SRRM2: variants seen among roughly 807,000 people sequenced by gnomAD.
SRRM2 encodes the protein serine/arginine repetitive matrix protein 2.
Under a neutral mutation model 213.8 loss-of-function variants are expected in SRRM2, and 30 were observed. That is an observed-to-expected ratio of 0.14 (90% CI 0.10 to 0.19). The LOEUF (loss-of-function observed/expected upper bound fraction) is 0.19, where lower values mean the gene tolerates loss of function less well. Ranked by LOEUF, SRRM2 falls within the 10% of genes least tolerant of loss-of-function variation. The pLI, the probability that SRRM2 is intolerant of heterozygous loss-of-function variation, is 1.00. For synonymous variants in SRRM2, 2,025 were observed against 1,377.7 expected (o/e 1.47, Z -10.40); for missense variants, 4,904 against 3,647.0 (o/e 1.34, Z -8.88).
In SRRM2 at chr16:2,768,979, A is replaced by G. The variant is rs748756052; in HGVS notation, c.7734-18A>G. 2 of 1,609,878 alleles carry G rather than the reference A, an allele frequency of 1.2e-6. No individual in the cohort carries two copies. Among genetic ancestry groups the G allele is most frequent in the South Asian group, 1.1e-5 (1 of 90,712 alleles). ...CTGGGGCAGCTTGTCTCCTTGTGAC[A>G]CTCCTCTCCTCCCACAGGGTCCCCA... is the stretch of plus-strand genomic sequence containing the variant. On this transcript the variant is annotated intron_variant, in intron 11 of 14. Coordinates refer to ENST00000301740, the MANE Select transcript of SRRM2 (RefSeq NM_016333.4).
chr16:2,753,696 A>C (rs1313411449), intron 1 of SRRM2: 1 of 152,032 alleles, frequency 6.6e-6, no homozygotes, highest in Non-Finnish European at 1.5e-5. Context: ...CTTGGTTTCC[A>C]CTCGGCTTCA....
Position 2,762,330 on chromosome 16 carries a change from G to A in SRRM2, c.1802G>A (p.Arg601Lys). ...AGATCACGATCCAGAACTCCCACCA[G>A]GCGTAGGTCTCGGTCTAGAACACCA... Reference protein sequence around the residue: ...RRRSRSRTPTRRRSRSRTPAR... With the variant: ...RRRSRSRTPTKRRSRSRTPAR... Residue 601 changes from arginine to lysine, a missense_variant, in exon 11 of 15, where the codon AGG (arginine) becomes AAG (lysine). Physicochemically the swap from Arg to Lys is conservative, Grantham distance 26. Coordinates refer to ENST00000301740, the MANE Select transcript of SRRM2 (RefSeq NM_016333.4). 6.2e-7 allele frequency: 1 copy of A among 1,614,064 alleles called. No homozygotes were observed. The highest frequency in any genetic ancestry group is 8.5e-7 in the Non-Finnish European group (1 of 1,179,916).
rs759642732 is a variant in SRRM2 at position 2,761,906 on chromosome 16, A to G, written c.1378A>G (p.Lys460Glu). ...AGAGATTTCTTCTTCTCCCACATCT[A>G]AGAATCGCTCACATGGCCGAGCAAA... Reference protein sequence around the residue: ...HREISSSPTSKNRSHGRAKRD... With the variant: ...HREISSSPTSENRSHGRAKRD... Residue 460 changes from lysine (K) to glutamate (E), a missense_variant, in exon 11 of 15, where the codon AAG becomes GAG. Coordinates refer to ENST00000301740, the MANE Select transcript of SRRM2 (RefSeq NM_016333.4). 2.5e-6 allele frequency: 4 copies of G among 1,613,562 alleles called. No homozygotes were observed. The East Asian group carries it at 6.7e-5, about 27-fold the overall frequency.
Position 2,763,553 on chromosome 16 carries a change from C to A in SRRM2, c.3025C>A (p.Leu1009Ile). Residue 1009 changes from leucine to isoleucine, a missense_variant, in exon 11 of 15, where the codon CTT becomes ATT. Transcript: ENST00000301740. ...VKAQTPPGPS[L>I]SGSKSPCPQE... ...GGCCCAAACTCCACCGGGGCCAAGT[C>A]TTTCTGGATCAAAGTCACCATGTCC... is the stretch of plus-strand genomic sequence containing the variant. The A allele has an allele frequency of 6.2e-7, 1 of 1,614,174 alleles. No homozygotes were observed. The highest frequency in any genetic ancestry group is 8.5e-7 in the Non-Finnish European group (1 of 1,180,036).
chr16:2,765,516 C>G lies in SRRM2; in HGVS notation c.4988C>G (p.Pro1663Arg). Residue 1663 changes from proline to arginine, a missense_variant, in exon 11 of 15, where the codon CCC becomes CGC. Coordinates refer to ENST00000301740, the MANE Select transcript of SRRM2 (RefSeq NM_016333.4). ...SSTESSPEHPPKSRTARRGSR... is the reference protein window; with the variant it reads ...SSTESSPEHPRKSRTARRGSR... ...ACCGAGTCCTCTCCTGAACATCCGC[C>G]CAAATCCAGAACTGCTCGCAGAGGT... 1 of 1,614,182 alleles carries G rather than the reference C, an allele frequency of 6.2e-7. No homozygotes were observed. Among genetic ancestry groups the G allele is most frequent in the Non-Finnish European group, 8.5e-7 (1 of 1,180,038 alleles).
Position 2,766,525 on chromosome 16 carries a change from T to G in SRRM2, c.5997T>G (p.Ser1999=), listed in dbSNP as rs753491560. ...VTRRRSRSRT[S]PVTRRRSRSR... The stretch of plus-strand genomic sequence containing the variant: ...GAAGGAGATCTCGATCTCGCACATC[T>G]CCAGTAACTCGAAGAAGGTCCCGCT... Residue 1999 remains serine (S), a synonymous_variant, in exon 11 of 15, where the codon TCT becomes TCG. Coordinates refer to ENST00000301740, the MANE Select transcript of SRRM2 (RefSeq NM_016333.4). The surrounding 1 kb of genome is among the most constrained non-coding windows in gnomAD (Gnocchi z 7.0). The G allele has an allele frequency of 1.2e-6, 2 of 1,613,180 alleles. No individual in the cohort carries two copies. Among genetic ancestry groups the G allele is most frequent in the South Asian group, 2.2e-5 (2 of 91,042 alleles).
chr16:2,771,204 T>C lies in SRRM2; in HGVS notation c.*337T>C. Reference sequence around the variant, plus strand: ...ACTTGTATCCAGAAGTTCCCAGGGGTGATTGTGATGGTGGTTGGGACTGGA... The same window carrying C: ...ACTTGTATCCAGAAGTTCCCAGGGGCGATTGTGATGGTGGTTGGGACTGGA... On this transcript the variant is annotated 3_prime_UTR_variant, in exon 15 of 15. Transcript: ENST00000301740. The C allele has an allele frequency of 1.6e-6, 1 of 642,730 alleles. No homozygotes were observed. The highest frequency in any genetic ancestry group is 2.7e-6 in the Non-Finnish European group (1 of 366,126). The allele number at this position is 642,730 out of a possible 1,614,324, so 39.8% of individuals were successfully genotyped here. A position where few individuals can be genotyped will look rare whatever the true frequency, so the allele number is the denominator to read the frequency against.
At chr16:2,769,960 C>T (rs1567249683) in intron 12 of SRRM2, 3 of 449,058 alleles carry the variant, frequency 6.7e-6, no homozygotes, top group African/African-American at 2.0e-5. Context: ...ACTCCTCGTT[C>T]TGCAAGACTC....
In SRRM2 at chr16:2,765,896, A is replaced by G; in HGVS notation, c.5368A>G (p.Arg1790Gly). Reference sequence around the variant, plus strand: ...AACAAGAACAACCCGACGTCGAGATAGGTCTGGATCTTCTCAGTCAACCTC... The same window carrying G: ...AACAAGAACAACCCGACGTCGAGATGGGTCTGGATCTTCTCAGTCAACCTC... ...EKTRTTRRRD[R>G]SGSSQSTSRR... The change falls in exon 11 of 15, where the codon AGG (arginine) becomes GGG (glycine). Residue 1790 changes from arginine to glycine, a missense_variant. Transcript: ENST00000301740. 2 of 1,614,156 alleles carry G rather than the reference A, an allele frequency of 1.2e-6. No individual in the cohort carries two copies. Among genetic ancestry groups the G allele is most frequent in the Non-Finnish European group, 1.7e-6 (2 of 1,180,032 alleles).
At chr16:2,760,537 A>G (rs371066765) in intron 10 of SRRM2, 38 bp downstream of exon 10, 123 of 1,606,650 alleles carry the variant, frequency 7.7e-5, no homozygotes, top group African/African-American at 6.5e-4. Context: ...TGGATTGCAA[A>G]TGTATAGATT....
In SRRM2 at chr16:2,760,197, G is replaced by A. The variant is rs564105843; in HGVS notation, c.834-104G>A. 12 of 1,136,442 alleles carry A rather than the reference G, an allele frequency of 1.1e-5. No homozygotes were observed. In the African/African-American group the frequency reaches 1.4e-4, roughly 13 times the overall value. The allele number at this position is 1,136,442 out of a possible 1,614,324, so 70.4% of individuals were successfully genotyped here. On this transcript the variant is annotated intron_variant, in intron 9 of 14. Transcript: ENST00000301740. ...TGCGACTAAAGGCTTTTTGGAAGAG[G>A]GTTGTCCAGTTAGGAAAGGTGGATG...
In SRRM2 at chr16:2,760,330, C is replaced by T. The variant is rs747144756; in HGVS notation, c.863C>T (p.Thr288Ile). Residue 288 changes from threonine to isoleucine, a missense_variant, in exon 10 of 15, where the codon ACA becomes ATA. Coordinates refer to ENST00000301740, the MANE Select transcript of SRRM2 (RefSeq NM_016333.4). ...CGAAGTGCTGCAGCTAAAACTCATA[C>T]AACTGCCTTGGCTGGGCGAAGTCCT... Reference protein sequence around the residue: ...RSRSAAAKTHTTALAGRSPSP... With the variant: ...RSRSAAAKTHITALAGRSPSP... 94 of 1,613,816 alleles carry T rather than the reference C, an allele frequency of 5.8e-5. 2 individuals are homozygous for T. In the South Asian group the frequency reaches 9.0e-4, roughly 15 times the overall value.
In SRRM2 at chr16:2,757,733, G is replaced by C. The variant is rs932600923; in HGVS notation, c.351-48G>C. The C allele has an allele frequency of 6.8e-6, 11 of 1,606,172 alleles. No individual in the cohort carries two copies. The Admixed American group carries it at 1.0e-4, about 15-fold the overall frequency. On this transcript the variant is annotated intron_variant, in intron 3 of 14. Coordinates refer to ENST00000301740, the MANE Select transcript of SRRM2 (RefSeq NM_016333.4). ...TGCTTATACTTGTGTTCTGAATATG[G>C]CTCTGTCCTTTATATTTCCTTCAGA...
rs2068640660 is a variant in SRRM2 at position 2,768,987 on chromosome 16, C to T, written c.7734-10C>T. On this transcript the variant is annotated splice_polypyrimidine_tract_variant and intron_variant, in intron 11 of 14. Coordinates refer to ENST00000301740, the MANE Select transcript of SRRM2 (RefSeq NM_016333.4). The stretch of plus-strand genomic sequence containing the variant: ...GCTTGTCTCCTTGTGACACTCCTCT[C>T]CTCCCACAGGGTCCCCAGCCCCACC... 2.5e-6 allele frequency: 4 copies of T among 1,612,600 alleles called. No individual in the cohort carries two copies. Among genetic ancestry groups the T allele is most frequent in the South Asian group, 1.1e-5 (1 of 90,924 alleles).
chr16:2,764,418 A>G lies in SRRM2; in HGVS notation c.3890A>G (p.Glu1297Gly), dbSNP rs142889836. 22 of 1,613,122 alleles carry G rather than the reference A, an allele frequency of 1.4e-5. No homozygotes were observed. The highest frequency in any genetic ancestry group is 1.7e-5 in the Non-Finnish European group (20 of 1,179,824). The change falls in exon 11 of 15, where the codon GAA (glutamate) becomes GGA (glycine). Residue 1297 changes from glutamate to glycine, a missense_variant. Glu to Gly is a moderately conservative substitution (Grantham distance 98). Coordinates refer to ENST00000301740, the MANE Select transcript of SRRM2 (RefSeq NM_016333.4). ...SQSQASLEAV[E>G]VPSMASSWGG... ...TCACAGGCTTCTTTGGAAGCAGTAG[A>G]AGTCCCTTCAATGGCCTCATCTTGG...
Position 2,762,721 on chromosome 16 carries a change from A to T in SRRM2, c.2193A>T (p.Lys731Asn). 6.2e-7 allele frequency: 1 copy of T among 1,614,218 alleles called. No individual in the cohort carries two copies. Among genetic ancestry groups the T allele is most frequent in the African/African-American group, 1.3e-5 (1 of 75,052 alleles). ...GATCTGGCTCATCTTCAGAGCGGAA[A>T]AACAAATCCAGAACATCTCAAAGAA... ...RGRSGSSSER[K>N]NKSRTSQRRS... Residue 731 changes from lysine (K) to asparagine (N), a missense_variant, in exon 11 of 15, where the codon AAA becomes AAT. Lys to Asn is a moderately conservative substitution (Grantham distance 94). Coordinates refer to ENST00000301740, the MANE Select transcript of SRRM2 (RefSeq NM_016333.4).
In SRRM2 at chr16:2,759,036, G is replaced by A; in HGVS notation, c.645G>A (p.Lys215=). The A allele has an allele frequency of 6.2e-7, 1 of 1,614,204 alleles. No homozygotes were observed. Among genetic ancestry groups the A allele is most frequent in the Non-Finnish European group, 8.5e-7 (1 of 1,180,040 alleles). The change falls in exon 6 of 15, where the codon AAG becomes AAA. Residue 215 remains lysine, a synonymous_variant. Transcript: ENST00000301740. ...PRRERKKSSK[K]KKHRSESESK... ...GGGAGAGAAAGAAAAGCTCAAAGAA[G>A]AAGAAGCACAGGTATGAGGTGGGAA... is the stretch of plus-strand genomic sequence containing the variant.
At position 2,757,508 on chromosome 16, in the gene SRRM2, C is replaced by T. The variant is rs1456822068; in HGVS notation, c.279C>T (p.Thr93=). ...EEQQIQEKVA[T]FRLMLLEKDV... is the part of the protein sequence containing the mutation. ...AGCAAATTCAGGAAAAAGTGGCGAC[C>T]TTTCGACTCATGTTGCTGGAGAAGG... is the stretch of plus-strand genomic sequence containing the variant. The change falls in exon 3 of 15, where the codon ACC becomes ACT. Residue 93 remains threonine (T), a synonymous_variant. Coordinates refer to ENST00000301740, the MANE Select transcript of SRRM2 (RefSeq NM_016333.4). 1.9e-6 allele frequency: 3 copies of T among 1,614,046 alleles called. No homozygotes were observed. Among genetic ancestry groups the T allele is most frequent in the Middle Eastern group, 1.6e-4 (1 of 6,062 alleles).
rs767795281 is a variant in SRRM2 at position 2,769,182 on chromosome 16, C to T, written c.7919C>T (p.Ser2640Phe). ...SSSSSSSSSS[S>F]SSSSSSSSPS... ...TCCTCTTCTTCTTCTTCCTCCTCATCTTCCTCCTCCTCGTCGTCTTCCTCC... is the reference window on the plus strand; with the variant it reads ...TCCTCTTCTTCTTCTTCCTCCTCATTTTCCTCCTCCTCGTCGTCTTCCTCC... The change falls in exon 12 of 15, where the codon TCT becomes TTT. Residue 2640 changes from serine (S) to phenylalanine (F), a missense_variant. Coordinates refer to ENST00000301740, the MANE Select transcript of SRRM2 (RefSeq NM_016333.4). The T allele has an allele frequency of 1.2e-5, 19 of 1,611,458 alleles. No homozygotes were observed. In the Admixed American group the frequency reaches 1.8e-4, roughly 16 times the overall value.
Sources: gnomAD v4.1 joint callset for allele counts on GRCh38, gnomAD v4.1.1 for gene constraint, Gnocchi (gnomAD v3.1) non-coding constraint, MANE v1.5 for transcripts, NCBI Gene and HGNC (gene_info 2026-07-23, HGNC 2026-07-21) for gene names.